Variants in NRXN1 observed in about 807,000 individuals in gnomAD.
The protein encoded by NRXN1 is neurexin 1.
A neutral mutation model predicts 150.9 loss-of-function variants in NRXN1; 39 were observed. The observed-to-expected ratio is 0.26, with a 90% confidence interval of 0.20 to 0.34. NRXN1 has a LOEUF of 0.34. Ranked by LOEUF, NRXN1 falls within the 10% of genes least tolerant of loss-of-function variation. NRXN1 has a pLI of 1.00. For missense variants in NRXN1, 1,815 were observed against 1,949.9 expected (o/e 0.93, Z 1.30); for synonymous variants, 924 against 757.0 (o/e 1.22, Z -3.62).
intron 17 of NRXN1, among the ~76,000 whole-genome samples, chr2:50,463,689 A>G (rs1351900789): frequency 6.6e-6 from 1 of 151,812 alleles, no homozygotes; most frequent in Non-Finnish European, 1.5e-5. Context: ...AAGTCTAACA[A>G]ATACATACAC....
chr2:50,014,584 C>T (rs947473796), intron 21 of NRXN1, among the ~76,000 whole-genome samples: 3 of 152,150 alleles, frequency 2.0e-5, no homozygotes, highest in African/African-American at 7.2e-5. Context: ...AGGGCAAAAT[C>T]TCCCTAGTTG....
chr2:51,025,506 G>A (rs1056906167), intron 2 of NRXN1, among the ~76,000 whole-genome samples: 13 of 152,130 alleles, frequency 8.5e-5, no homozygotes, highest in Non-Finnish European at 1.5e-4. Context: ...CTCCCACACA[G>A]TACAAGCTGT....
chr2:50,126,629 CAAAT>C (rs1236758890), intron 18 of NRXN1, among the ~76,000 whole-genome samples: 4 of 152,048 alleles, frequency 2.6e-5, no homozygotes, highest in Non-Finnish European at 4.4e-5. Flanking sequence ...ATACTTGAAG[CAAAT>C]AAATAGAGAA....
intron 15 of NRXN1, among the ~76,000 whole-genome samples, chr2:50,484,187 G>A (rs2090700664): frequency 6.6e-6 from 1 of 152,150 alleles, no homozygotes; most frequent in Non-Finnish European, 1.5e-5. Flanking sequence ...TACAGACATT[G>A]CCAAAGAGCT....
At chr2:50,412,613 C>T (rs1168038591) in intron 17 of NRXN1, among the ~76,000 whole-genome samples, 1 of 151,906 alleles carries the variant, frequency 6.6e-6, no homozygotes, top group Non-Finnish European at 1.5e-5. Flanking sequence ...AAAATCCTCA[C>T]TTGCATTTGC....
At chr2:50,289,806 T>C (rs2072681140) in intron 17 of NRXN1, among the ~76,000 whole-genome samples, 2 of 152,174 alleles carry the variant, frequency 1.3e-5, no homozygotes, top group South Asian at 4.1e-4. Flanking sequence ...TCAAGACACT[T>C]GGATTCAGTG....
chr2:50,337,155 G>T (rs560791819), intron 17 of NRXN1, among the ~76,000 whole-genome samples: 1 of 147,264 alleles, frequency 6.8e-6, no homozygotes, highest in Non-Finnish European at 1.5e-5. Context: ...GCTTGATCTC[G>T]GCTCACTGCA....
intron 5 of NRXN1, among the ~76,000 whole-genome samples, chr2:50,677,867 G>C (rs1574068184): frequency 6.6e-6 from 1 of 151,868 alleles, no homozygotes; most frequent in East Asian, 1.9e-4. Flanking sequence ...AGGCATATTA[G>C]TGCTTCCTGC....
At chr2:50,059,937 G>C (rs542888522) in intron 19 of NRXN1, among the ~76,000 whole-genome samples, 6 of 152,330 alleles carry the variant, frequency 3.9e-5, no homozygotes, top group East Asian at 1.9e-4. Context: ...AACCCTCATG[G>C]AGAACTTCTG....
chr2:50,506,722 A>G lies in NRXN1; in HGVS notation c.2375-105T>C, dbSNP rs7584062. 1 allele frequency: 1,102,032 copies of G among 1,104,324 alleles called. 549,875 individuals are homozygous for G. Among genetic ancestry groups the G allele is most frequent in the Middle Eastern group, 1 (4,702 of 4,702 alleles). The allele number at this position is 1,104,324 out of a possible 1,614,324, so 68.4% of individuals were successfully genotyped here. A position where few individuals can be genotyped will look rare whatever the true frequency, so the allele number is the denominator to read the frequency against. ...GACAAGGGGGGAAGGTGAGGGAGAG[A>G]GAGGAGAGAAAGAAGAAAGGAAGAA... On this transcript the variant is annotated intron_variant, in intron 12 of 22. Transcript: ENST00000401669.
At chr2:50,929,957 T>C (rs1250502044) in intron 2 of NRXN1, among the ~76,000 whole-genome samples, 2 of 152,002 alleles carry the variant, frequency 1.3e-5, no homozygotes, top group Admixed American at 6.6e-5. Context: ...GGAATAGAAA[T>C]GCGGCCCAGA....
At chr2:50,641,532 A>G (rs1211021278) in intron 5 of NRXN1, among the ~76,000 whole-genome samples, 4 of 152,114 alleles carry the variant, frequency 2.6e-5, no homozygotes, top group South Asian at 4.2e-4. Context: ...TTCTTTTTAT[A>G]TTTGGCATAC....
intron 5 of NRXN1, among the ~76,000 whole-genome samples, chr2:50,905,399 G>A (rs1683528212): frequency 6.6e-6 from 1 of 152,122 alleles, no homozygotes; most frequent in Admixed American, 6.6e-5. Flanking sequence ...GCACACAGTA[G>A]GGAGTAAGAG....
rs71401060 is a variant in NRXN1 at position 50,158,064 on chromosome 2, AGTGTGTGTGT to A, written c.3547-66580_3547-66571del. Among the ~76,000 whole-genome samples, 1,084 of 134,056 alleles carry A rather than the reference AGTGTGTGTGT, an allele frequency of 8.1e-3. 11 individuals carry two copies. Among genetic ancestry groups the A allele is most frequent in the African/African-American group, 0.026 (914 of 35,804 alleles). 87.9% of individuals were successfully genotyped at this position (134,056 alleles called of 152,430 possible). ...CTTCAGGAATATTTATAAGAAGTTG[AGTGTGTGTGT>A]GTGTGTGTGTGTGTGTGTGTGTGTG... On this transcript the variant is annotated intron_variant, in intron 18 of 22. Transcript: ENST00000401669.
intron 5 of NRXN1, among the ~76,000 whole-genome samples, chr2:50,638,929 C>G (rs933083106): frequency 6.6e-6 from 1 of 152,064 alleles, no homozygotes. Flanking sequence ...TACAATACCT[C>G]AGCTTTCTAC....
chr2:50,416,792 G>A (rs1361153622), intron 17 of NRXN1, among the ~76,000 whole-genome samples: 1 of 151,934 alleles, frequency 6.6e-6, no homozygotes, highest in Non-Finnish European at 1.5e-5. Flanking sequence ...TGGCATGGGG[G>A]TTACCACCCC....
At chr2:50,778,413 G>GAA (rs946797622) in intron 5 of NRXN1, among the ~76,000 whole-genome samples, 1 of 152,102 alleles carries the variant, frequency 6.6e-6, no homozygotes, top group Non-Finnish European at 1.5e-5. Context: ...CCCAGACTAC[G>GAA]AAAAAGAGTG....
chr2:50,921,921 C>T, intron 4 of NRXN1, 41 bp from the exon 5 acceptor site: 1 of 1,304,514 alleles, frequency 7.7e-7, no homozygotes, highest in Non-Finnish European at 1.0e-6. Flanking sequence ...AAAGGGTTTC[C>T]AGACAAAGAG....
intron 11 of NRXN1, among the ~76,000 whole-genome samples, chr2:50,530,711 C>A (rs1337702337): frequency 1.3e-5 from 2 of 152,160 alleles, no homozygotes; most frequent in Admixed American, 6.5e-5. Flanking sequence ...TACCACCACA[C>A]AGTACTCCGA....
Sources: gnomAD v4.1 joint callset for allele counts (sites outside exome capture counted in the v4.1 genomes callset) on GRCh38, gnomAD v4.1.1 for gene constraint, MANE v1.5 for transcripts, NCBI Gene and HGNC (gene_info 2026-07-23, HGNC 2026-07-21) for gene names.